The following PDE8B variants were observed in gnomAD, a reference collection of about 807,000 sequenced individuals.
The protein encoded by PDE8B is high affinity cAMP-specific and IBMX-insensitive 3',5'-cyclic phosphodiesterase 8B.
PDE8B carries 26 observed loss-of-function variants against 101.3 expected under a neutral mutation model. That is an observed-to-expected ratio of 0.26 (90% CI 0.19 to 0.36). PDE8B has a LOEUF of 0.36. Among genes scored for constraint, PDE8B ranks in the 10% least tolerant of loss-of-function variants. PDE8B has a pLI of 1.00. For missense variants in PDE8B, 810 were observed against 1,163.1 expected, an observed-to-expected ratio of 0.70 and a Z score of 4.42; for synonymous variants, 424 against 429.3, an observed-to-expected ratio of 0.99 and a Z score of 0.15.
chr5:77,163,146 C>A, the PDE8B span, among the ~76,000 whole-genome samples: 1 of 152,186 alleles, frequency 6.6e-6, no homozygotes, highest in East Asian at 1.9e-4. Flanking sequence ...ACAGTACCTT[C>A]TGAATTCAGT....
chr5:77,234,145 C>G (rs920994553), intron 1 of PDE8B, among the ~76,000 whole-genome samples: 1 of 152,178 alleles, frequency 6.6e-6, no homozygotes, highest in African/African-American at 2.4e-5. Context: ...ATTTCTGTGA[C>G]TTATTTCCTA....
At position 77,419,771 on chromosome 5, in the gene PDE8B, C is replaced by A; in HGVS notation, c.2134C>A (p.His712Asn). The change falls in exon 19 of 22, where the codon CAT becomes AAT. Residue 712 changes from histidine to asparagine, a missense_variant. Physicochemically the swap from His to Asn is moderately conservative, Grantham distance 68 (BLOSUM62 1). Around this residue, in one of 4 missense-constraint regions of PDE8B, gnomAD observed 325 missense variants for 560.9 expected, o/e 0.58. Coordinates refer to ENST00000264917, the MANE Select transcript of PDE8B (RefSeq NM_003719.5). ...CNIFKNIDRN[H>N]YRTLRQAIID... ...TTTGTCTTGTGGTTATTTTAGGAAC[C>A]ATTATCGAACGCTGCGCCAGGCTAT... is the stretch of plus-strand genomic sequence containing the variant. 1.2e-6 allele frequency: 2 copies of A among 1,613,940 alleles called. No homozygotes were observed. Among genetic ancestry groups the A allele is most frequent in the South Asian group, 2.2e-5 (2 of 91,030 alleles).
the PDE8B span, chr5:77,088,503 GA>G: frequency 7.2e-6 from 1 of 139,686 alleles, no homozygotes; most frequent in Non-Finnish European, 1.6e-5. Flanking sequence ...GGGGGTAGAG[GA>G]GTTGGGGGAA....
the PDE8B span, among the ~76,000 whole-genome samples, chr5:77,108,566 C>T: frequency 6.6e-6 from 1 of 152,010 alleles, no homozygotes; most frequent in Non-Finnish European, 1.5e-5. Context: ...GCCTCTAGTC[C>T]CAGCTATTTA....
chr5:77,340,514 C>T (rs926757174), intron 6 of PDE8B, among the ~76,000 whole-genome samples: 39 of 152,086 alleles, frequency 2.6e-4, no homozygotes, highest in African/African-American at 8.9e-4. Flanking sequence ...TCCCAGACTC[C>T]TGCTGGTATG....
At chr5:77,179,769 G>A in the PDE8B span, among the ~76,000 whole-genome samples, 6 of 152,094 alleles carry the variant, frequency 3.9e-5, no homozygotes, top group Non-Finnish European at 8.8e-5. Context: ...TTATGTTGCT[G>A]AGGCTGGTCT....
chr5:77,275,168 G>C (rs901625741), intron 1 of PDE8B, among the ~76,000 whole-genome samples: 3 of 151,956 alleles, frequency 2.0e-5, no homozygotes, highest in Non-Finnish European at 2.9e-5. Flanking sequence ...TGACCAGCCT[G>C]GACAAAATAG....
the PDE8B span, among the ~76,000 whole-genome samples, chr5:77,185,199 T>A: frequency 1.3e-5 from 2 of 152,176 alleles, no homozygotes. Flanking sequence ...AAATGGTAAA[T>A]ACATAGCACT....
intron 2 of PDE8B, among the ~76,000 whole-genome samples, chr5:77,316,539 A>T (rs1580995616): frequency 6.6e-6 from 1 of 152,062 alleles, no homozygotes; most frequent in African/African-American, 2.4e-5. Flanking sequence ...GCCTGAAATT[A>T]TTTTTAATAT....
At chr5:77,215,992 C>T (rs1749611529) in intron 1 of PDE8B, among the ~76,000 whole-genome samples, 2 of 152,102 alleles carry the variant, frequency 1.3e-5, no homozygotes, top group African/African-American at 4.8e-5. Flanking sequence ...GCTGTGGTGA[C>T]CAATCGGAGG....
Position 77,222,253 on chromosome 5 carries a change from G to A in PDE8B, c.339+10989G>A, listed in dbSNP as rs115983983. Reference sequence around the variant, plus strand: ...CTAGAGGTACAGTCCCTGTAAACCCGCTAGGTTCTCAAGTACGTGTGTGTG... The same window carrying A: ...CTAGAGGTACAGTCCCTGTAAACCCACTAGGTTCTCAAGTACGTGTGTGTG... On this transcript the variant is annotated intron_variant, in intron 1 of 21. Coordinates refer to ENST00000264917, the MANE Select transcript of PDE8B (RefSeq NM_003719.5). 4.0e-3 allele frequency among the ~76,000 whole-genome samples: 602 copies of A among 152,234 alleles called. 4 individuals are homozygous for A. The highest frequency in any genetic ancestry group is 0.014 in the African/African-American group (565 of 41,526).
At chr5:77,382,758 A>G (rs1404305078) in intron 10 of PDE8B, among the ~76,000 whole-genome samples, 7 of 152,190 alleles carry the variant, frequency 4.6e-5, no homozygotes, top group African/African-American at 1.2e-4. Flanking sequence ...TGCAGAGGAC[A>G]TGAACTCATC....
chr5:77,224,383 A>T (rs1202443661), intron 1 of PDE8B, among the ~76,000 whole-genome samples: 1 of 152,252 alleles, frequency 6.6e-6, no homozygotes, highest in Non-Finnish European at 1.5e-5. Flanking sequence ...ATACAAATGT[A>T]GTGAGAATAG....
At chr5:77,217,264 A>G (rs1309523478) in intron 1 of PDE8B, among the ~76,000 whole-genome samples, 2 of 151,954 alleles carry the variant, frequency 1.3e-5, no homozygotes, top group Non-Finnish European at 2.9e-5. Flanking sequence ...CCTGAGCCTC[A>G]TAAGAGACTC....
At chr5:77,264,987 G>C (rs181813272) in intron 1 of PDE8B, among the ~76,000 whole-genome samples, 2 of 152,268 alleles carry the variant, frequency 1.3e-5, no homozygotes, top group African/African-American at 4.8e-5. Flanking sequence ...CAACTGAGCT[G>C]CTTGTGCAGG....
chr5:77,101,139 T>G, the PDE8B span, among the ~76,000 whole-genome samples: 1 of 151,084 alleles, frequency 6.6e-6, no homozygotes, highest in Admixed American at 6.6e-5. Flanking sequence ...CTGCCTGTTT[T>G]TTTTTTTTTT....
the PDE8B span, chr5:77,086,809 G>A: frequency 6.6e-6 from 1 of 152,336 alleles, no homozygotes; most frequent in African/African-American, 2.4e-5. Flanking sequence ...CTTTAATAAA[G>A]GGAGAGCAGG....
At chr5:77,140,046 T>A in the PDE8B span, 1 of 152,136 alleles carries the variant, frequency 6.6e-6, no homozygotes, top group African/African-American at 2.4e-5. Context: ...TCTGTATGCC[T>A]TGGGTAATGT....
At chr5:77,344,125 A>C (rs1470794758) in intron 6 of PDE8B, among the ~76,000 whole-genome samples, 1 of 152,212 alleles carries the variant, frequency 6.6e-6, no homozygotes, top group Non-Finnish European at 1.5e-5. Flanking sequence ...TTAGTAGTAG[A>C]AGGAATATTT....
Sources: gnomAD v4.1 joint callset for allele counts (sites outside exome capture counted in the v4.1 genomes callset) on GRCh38, gnomAD v4.1.1 for gene constraint, gnomAD v4.1.1 regional missense constraint, MANE v1.5 for transcripts, NCBI Gene and HGNC (gene_info 2026-07-23, HGNC 2026-07-21) for gene names.